The following MYO1E variants were observed in gnomAD, a reference collection of about 807,000 sequenced individuals.
The protein encoded by MYO1E is myosin IE.
In MYO1E, 68 loss-of-function variants were observed where a neutral mutation model predicts 151.1. That is an observed-to-expected ratio of 0.45 (90% CI 0.37 to 0.55). The LOEUF is 0.55. Among genes scored for constraint, MYO1E ranks in the 20% least tolerant of loss-of-function variants. The pLI, the probability that MYO1E is intolerant of heterozygous loss-of-function variation, is 0.00. For missense variants in MYO1E, 1,363 were observed against 1,389.3 expected (o/e 0.98, Z 0.30); for synonymous variants, 601 against 501.7 (o/e 1.20, Z -2.64).
At chr15:59,294,641 T>TCGTTTCAGCCCCCACAGGA (rs2080438561) in intron 1 of MYO1E, among the ~76,000 whole-genome samples, 1 of 152,182 alleles carries the variant, frequency 6.6e-6, no homozygotes, top group South Asian at 2.1e-4. Context: ...CTTGCCCCTG[T>TCGTTTCAGCCCCCACAGGA]CGTTTCAGCC....
intron 1 of MYO1E, among the ~76,000 whole-genome samples, chr15:59,324,585 A>T (rs1280778502): frequency 6.6e-6 from 1 of 152,122 alleles, no homozygotes; most frequent in African/African-American, 2.4e-5. Flanking sequence ...GAGCTCCTCA[A>T]GTTCAAGGTG....
At chr15:59,276,596 A>G (rs2140385447) in intron 1 of MYO1E, among the ~76,000 whole-genome samples, 1 of 152,338 alleles carries the variant, frequency 6.6e-6, no homozygotes, top group Admixed American at 6.5e-5. Context: ...AGTTTATTAA[A>G]AAGCAGTTGA....
In MYO1E at chr15:59,305,629, T is replaced by C. The variant is rs570361531; in HGVS notation, c.4-33180A>G. Among the ~76,000 whole-genome samples the C allele has an allele frequency of 2.6e-5, 4 of 152,308 alleles. No homozygotes were observed. The East Asian group carries it at 7.7e-4, about 29-fold the overall frequency. On this transcript the variant is annotated intron_variant, in intron 1 of 27. Coordinates refer to ENST00000288235, the MANE Select transcript of MYO1E (RefSeq NM_004998.4). ...CTTTCTTGCCTGACTTGTCTCTTCC[T>C]CTATTCAGATTTCCTCCCATCTGAA...
chr15:59,237,981 C>T (rs889553847), intron 4 of MYO1E, among the ~76,000 whole-genome samples: 1 of 152,118 alleles, frequency 6.6e-6, no homozygotes, highest in African/African-American at 2.4e-5. Context: ...TCATGACCTG[C>T]AAAAGTCTGA....
At chr15:59,151,049 ACG>A (rs1555407035) in intron 26 of MYO1E, among the ~76,000 whole-genome samples, 11 of 129,646 alleles carry the variant, frequency 8.5e-5, no homozygotes, top group East Asian at 4.5e-4. Context: ...ACACACACAC[ACG>A]CGCGCGCGCG....
intron 18 of MYO1E, among the ~76,000 whole-genome samples, chr15:59,186,932 T>A (rs2079701890): frequency 6.6e-6 from 1 of 152,132 alleles, no homozygotes; most frequent in Non-Finnish European, 1.5e-5. Context: ...TAAGAACAAT[T>A]TAAGTATAGG....
chr15:59,247,526 G>T lies in MYO1E; in HGVS notation c.332+8758C>A, dbSNP rs149295217. Among the ~76,000 whole-genome samples the T allele has an allele frequency of 8.8e-4, 134 of 152,298 alleles. 2 individuals carry two copies. In the East Asian group the frequency reaches 0.018, roughly 20 times the overall value. On this transcript the variant is annotated intron_variant, in intron 4 of 27. Transcript: ENST00000288235. ...TTCAAAAAACAATGCCAACAGAGTGGTAAGGATTAAGAGACAACCTATACG... is the reference window on the plus strand; with the variant it reads ...TTCAAAAAACAATGCCAACAGAGTGTTAAGGATTAAGAGACAACCTATACG...
chr15:59,312,719 G>C (rs1361508266), intron 1 of MYO1E, among the ~76,000 whole-genome samples: 2 of 152,054 alleles, frequency 1.3e-5, no homozygotes, highest in Non-Finnish European at 2.9e-5. Flanking sequence ...CAGGAAACTT[G>C]TTAGAAATAC....
chr15:59,203,049 A>T (rs1449950744), intron 15 of MYO1E, among the ~76,000 whole-genome samples: 1 of 152,048 alleles, frequency 6.6e-6, no homozygotes, highest in Admixed American at 6.6e-5. Flanking sequence ...CCTGGCCAGC[A>T]TGTGTTTGTT....
intron 18 of MYO1E, among the ~76,000 whole-genome samples, chr15:59,185,091 A>G (rs1486687103): frequency 6.6e-6 from 1 of 152,032 alleles, no homozygotes; most frequent in Non-Finnish European, 1.5e-5. Flanking sequence ...CTTTTTTTTG[A>G]GAAATGTCTC....
At chr15:59,264,236 G>A (rs2080240417) in intron 2 of MYO1E, among the ~76,000 whole-genome samples, 1 of 152,124 alleles carries the variant, frequency 6.6e-6, no homozygotes, top group Non-Finnish European at 1.5e-5. Flanking sequence ...TCAGATTAAG[G>A]ATACTCAGCC....
At chr15:59,218,785 C>T (rs746911054) in intron 9 of MYO1E, among the ~76,000 whole-genome samples, 2 of 152,056 alleles carry the variant, frequency 1.3e-5, no homozygotes, top group Non-Finnish European at 2.9e-5. Flanking sequence ...GAGATTTGAG[C>T]TGGGTGTAAA....
intron 2 of MYO1E, 122 bp downstream of exon 2, chr15:59,272,184 C>A: frequency 2.7e-6 from 3 of 1,130,692 alleles, no homozygotes; most frequent in Non-Finnish European, 4.0e-6. Flanking sequence ...GGAACTCCTG[C>A]CTTAGCCTTC....
chr15:59,297,862 A>T (rs1337450658), intron 1 of MYO1E, among the ~76,000 whole-genome samples: 1 of 152,148 alleles, frequency 6.6e-6, no homozygotes. Context: ...GATTACAGGC[A>T]TGAGTTTTCC....
At position 59,227,500 on chromosome 15, in the gene MYO1E, T is replaced by C; in HGVS notation, c.601A>G (p.Met201Val). ...NFLLEKSRVVMRNPGERSFHI... is the reference protein window; with the variant it reads ...NFLLEKSRVVVRNPGERSFHI... ...AAACTCCGCTCTCCTGGGTTCCTCA[T>C]CACCACCCTAGATTTTTCCAGAAGG... Residue 201 changes from methionine to valine, a missense_variant, in exon 7 of 28, where the codon ATG (methionine) becomes GTG (valine). By Grantham distance (21) the Met-to-Val change is conservative. Transcript: ENST00000288235. 1.2e-6 allele frequency: 2 copies of C among 1,614,068 alleles called. No homozygotes were observed. The highest frequency in any genetic ancestry group is 4.5e-5 in the East Asian group (2 of 44,888).
intron 5 of MYO1E, among the ~76,000 whole-genome samples, chr15:59,235,618 C>T (rs2080057505): frequency 3.3e-5 from 5 of 152,130 alleles, no homozygotes. Context: ...TTTGCATTAC[C>T]AAAATTGACA....
At chr15:59,246,657 T>C (rs1022319535) in intron 4 of MYO1E, among the ~76,000 whole-genome samples, 5 of 152,164 alleles carry the variant, frequency 3.3e-5, no homozygotes, top group African/African-American at 9.7e-5. Context: ...GTCAGTGCTA[T>C]CATGTCTCTG....
chr15:59,195,657 T>A lies in MYO1E; in HGVS notation c.1699-90A>T, dbSNP rs1363237920. 5 of 1,174,718 alleles carry A rather than the reference T, an allele frequency of 4.3e-6. No individual in the cohort carries two copies. The East Asian group carries it at 1.2e-4, about 27-fold the overall frequency. 72.8% of individuals were successfully genotyped at this position (1,174,718 alleles called of 1,614,324 possible). ...GACTTGTAAAACTCTCTTGTAGAAA[T>A]ACATAGCTAGGAATTAATCTTCATG... is the stretch of plus-strand genomic sequence containing the variant. On this transcript the variant is annotated intron_variant, in intron 16 of 27. Transcript: ENST00000288235.
intron 9 of MYO1E, among the ~76,000 whole-genome samples, chr15:59,222,149 CAGAAA>C (rs1174199440): frequency 6.6e-6 from 1 of 152,038 alleles, no homozygotes; most frequent in African/African-American, 2.4e-5. Flanking sequence ...CCTCTTTTAT[CAGAAA>C]AGAAAACAAA....
Sources: allele counts gnomAD v4.1 joint callset (sites outside exome capture counted in the v4.1 genomes callset), GRCh38; gene constraint gnomAD v4.1.1; transcripts MANE v1.5; gene names NCBI Gene and HGNC (gene_info 2026-07-23, HGNC 2026-07-21).